SEC13: variants seen among roughly 807,000 people sequenced by gnomAD.
SEC13 encodes protein SEC13 homolog.
In SEC13, 25 loss-of-function variants were observed where a neutral mutation model predicts 49.2. The observed-to-expected ratio is 0.51, with a 90% CI of 0.37 to 0.71. The LOEUF is 0.71. Among genes scored for constraint, SEC13 ranks in the 30% least tolerant of loss-of-function variants. The pLI is 0.00. For missense variants in SEC13, 383 were observed against 417.6 expected (o/e 0.92, Z 0.72); for synonymous variants, 148 against 163.9 (o/e 0.90, Z 0.74).
At chr3:10,307,066 A>ATTT (rs1559493575) in intron 5 of SEC13, among the ~76,000 whole-genome samples, 5 of 151,178 alleles carry the variant, frequency 3.3e-5, no homozygotes, top group African/African-American at 1.2e-4. Context: ...TTTTTTTTTA[A>ATTT]AAATTGAGAC....
intron 8 of SEC13, among the ~76,000 whole-genome samples, chr3:10,302,481 C>A (rs1383744433): frequency 6.6e-6 from 1 of 152,176 alleles, no homozygotes; most frequent in South Asian, 2.1e-4. Flanking sequence ...CAGTGACGGG[C>A]CCCACAACAC....
chr3:10,303,963 T>C (rs753373211), intron 8 of SEC13, 63 bp downstream of exon 8: 1 of 1,589,098 alleles, frequency 6.3e-7, no homozygotes, highest in Non-Finnish European at 8.6e-7. Flanking sequence ...AAGTGCCCTC[T>C]CTAGTGGGCG....
Position 10,312,566 on chromosome 3 carries a change from A to C in SEC13, c.316+13T>G, listed in dbSNP as rs1487127807. 6.2e-7 allele frequency: 1 copy of C among 1,613,938 alleles called. No homozygotes were observed. The highest frequency in any genetic ancestry group is 1.1e-5 in the South Asian group (1 of 91,060). ...TGGTCCCCTTGCCCGCTCTGCTGCC[A>C]AGCTCAGCATACCTGAGGAGTCGTG... On this transcript the variant is annotated intron_variant, in intron 4 of 8. Transcript: ENST00000350697.
intron 5 of SEC13, among the ~76,000 whole-genome samples, chr3:10,308,116 G>A (rs1701002538): frequency 6.6e-6 from 1 of 152,186 alleles, no homozygotes; most frequent in Non-Finnish European, 1.5e-5. Flanking sequence ...CATATCAAGT[G>A]CATGATTTGG....
chr3:10,306,425 G>C (rs1559493062), intron 5 of SEC13, among the ~76,000 whole-genome samples: 1 of 152,314 alleles, frequency 6.6e-6, no homozygotes, highest in East Asian at 1.9e-4. Flanking sequence ...CAGGAGGCAC[G>C]TTAGATTGTC....
At chr3:10,320,803 G>A in intron 1 of SEC13, 8 of 1,332,464 alleles carry the variant, frequency 6.0e-6, no homozygotes, top group Non-Finnish European at 6.7e-6. Flanking sequence ...CGAAAAGAAG[G>A]AAGGGAGACT....
Position 10,318,050 on chromosome 3 carries a change from A to G in SEC13, c.48T>C (p.Ile16=), listed in dbSNP as rs765641303. The G allele has an allele frequency of 2.3e-5, 36 of 1,599,242 alleles. No individual in the cohort carries two copies. The highest frequency in any genetic ancestry group is 2.9e-5 in the Non-Finnish European group (34 of 1,167,142). ...NTVDTSHEDM[I]HDAQMDYYGT... ...CAGGGAGGGTGATATTAATACTTAC[A>G]ATCATGTCCTCATGGGAGGTATCCA... is the stretch of plus-strand genomic sequence containing the variant. Residue 16 remains isoleucine, a splice_region_variant and synonymous_variant, in exon 2 of 9, where the codon ATT becomes ATC. Coordinates refer to ENST00000350697, the MANE Select transcript of SEC13 (RefSeq NM_183352.3).
At position 10,321,110 on chromosome 3, in the gene SEC13, A is replaced by G; in HGVS notation, c.-58T>C. The G allele has an allele frequency of 2.5e-6, 4 of 1,610,816 alleles. No homozygotes were observed. Among genetic ancestry groups the G allele is most frequent in the Non-Finnish European group, 3.4e-6 (4 of 1,179,062 alleles). On this transcript the variant is annotated 5_prime_UTR_variant, in exon 1 of 9. Coordinates refer to ENST00000350697, the MANE Select transcript of SEC13 (RefSeq NM_183352.3). The surrounding 1 kb of genome is among the most constrained non-coding windows in gnomAD (Gnocchi z 4.1). ...GTGGCAGCTCCCGGCGGCGCCTCGG[A>G]ACAGCTCACTTCCGGCGCCGGGCCC...
At position 10,315,297 on chromosome 3, in the gene SEC13, T is replaced by G. The variant is rs936821081; in HGVS notation, c.164+24A>C. ...AGAACCCACACCATTCCTGGAGCCC[T>G]TCCCTGGGCTCGCCAGCACTTACCC... On this transcript the variant is annotated intron_variant, in intron 3 of 8. Coordinates refer to ENST00000350697, the MANE Select transcript of SEC13 (RefSeq NM_183352.3). 8 of 1,551,368 alleles carry G rather than the reference T, an allele frequency of 5.2e-6. No individual in the cohort carries two copies. The East Asian group carries it at 1.8e-4, about 35-fold the overall frequency.
intron 5 of SEC13, among the ~76,000 whole-genome samples, chr3:10,308,791 ATTTTTT>A (rs34572074): frequency 8.6e-6 from 1 of 115,630 alleles, no homozygotes. Flanking sequence ...GCTGAGTTGA[ATTTTTT>A]TTTTTTTTTT....
intron 6 of SEC13, 151 bp from the exon 7 acceptor site, chr3:10,305,307 A>G: frequency 8.1e-7 from 1 of 1,227,038 alleles, no homozygotes; most frequent in African/African-American, 2.3e-5. Context: ...CCTTCACCCC[A>G]GCTGTAAAAA....
At chr3:10,316,436 C>T (rs531978733) in intron 2 of SEC13, among the ~76,000 whole-genome samples, 8 of 152,292 alleles carry the variant, frequency 5.3e-5, no homozygotes, top group African/African-American at 1.9e-4. Context: ...GGAACTCCCT[C>T]CACTGTATCA....
chr3:10,320,412 T>C (rs1180485571), intron 1 of SEC13: 1 of 454,590 alleles, frequency 2.2e-6, no homozygotes, highest in Non-Finnish European at 2.9e-6. Flanking sequence ...GGAGTGAATG[T>C]ACACTGCAGA....
At chr3:10,307,605 C>T (rs2125254891) in intron 5 of SEC13, among the ~76,000 whole-genome samples, 1 of 152,276 alleles carries the variant, frequency 6.6e-6, no homozygotes, top group East Asian at 1.9e-4. Context: ...AACTCCCCTT[C>T]ATAAAACCAT....
rs1017135849 is a variant in SEC13, at chr3:10,300,994, C to G, written c.*267G>C. ...AAAACCCCCCAAATAATGCCTGAAC[C>G]CAAAGGTACATAAAAATGACCCAAA... On this transcript the variant is annotated 3_prime_UTR_variant, in exon 9 of 9. Coordinates refer to ENST00000350697, the MANE Select transcript of SEC13 (RefSeq NM_183352.3). The G allele has an allele frequency of 7.7e-7, 1 of 1,301,436 alleles. No homozygotes were observed. Among genetic ancestry groups the G allele is most frequent in the Non-Finnish European group, 1.1e-6 (1 of 923,214 alleles). The allele number at this position is 1,301,436 out of a possible 1,614,324, so 80.6% of individuals were successfully genotyped here.
intron 4 of SEC13, 63 bp downstream of exon 4, chr3:10,312,516 C>T (rs934780653): frequency 4.0e-5 from 63 of 1,579,238 alleles, no homozygotes; most frequent in Admixed American, 3.1e-4. Flanking sequence ...GGGCTCCAGC[C>T]GGGACAGAGT....
intron 5 of SEC13, among the ~76,000 whole-genome samples, chr3:10,308,850 T>C (rs1046365077): frequency 2.0e-5 from 3 of 150,394 alleles, no homozygotes; most frequent in African/African-American, 7.3e-5. Context: ...CAGGTTGGTC[T>C]TGAACTCCTG....
Position 10,311,312 on chromosome 3 carries a change from T to C in SEC13, c.450+653A>G, listed in dbSNP as rs371240693. Among the ~76,000 whole-genome samples, 48 of 151,994 alleles carry C rather than the reference T, an allele frequency of 3.2e-4. 1 individual carries two copies. The South Asian group carries it at 9.8e-3, about 31-fold the overall frequency. ...ACCTGTGACCCTGAACTGGAATGAG[T>C]AGATTAGAAAAAGAATAGATACAAA... On this transcript the variant is annotated intron_variant, in intron 5 of 8. Coordinates refer to ENST00000350697, the MANE Select transcript of SEC13 (RefSeq NM_183352.3).
At chr3:10,320,939 G>A in intron 1 of SEC13, 111 bp downstream of exon 1, 1 of 1,542,770 alleles carries the variant, frequency 6.5e-7, no homozygotes, top group Non-Finnish European at 8.7e-7. Flanking sequence ...AGCGGTGGAG[G>A]GGAGCTGAAC....
Sources: allele counts gnomAD v4.1 joint callset (sites outside exome capture counted in the v4.1 genomes callset), GRCh38; gene constraint gnomAD v4.1.1; non-coding constraint Gnocchi (gnomAD v3.1); transcripts MANE v1.5; gene names NCBI Gene and HGNC (gene_info 2026-07-23, HGNC 2026-07-21).